RBM20: variants seen among roughly 807,000 people sequenced by gnomAD.
RBM20 encodes the protein RNA-binding protein 20.
A neutral mutation model predicts 110.1 loss-of-function variants in RBM20; 51 were observed. That is an observed-to-expected ratio of 0.46 (90% CI 0.37 to 0.59). The LOEUF (loss-of-function observed/expected upper bound fraction) is 0.59, where lower values mean the gene tolerates loss of function less well. Ranked by LOEUF, RBM20 falls within the 20% of genes least tolerant of loss-of-function variation. The pLI is 0.00. For missense variants in RBM20, 1,512 were observed against 1,574.9 expected (o/e 0.96, Z 0.68); for synonymous variants, 589 against 618.2 (o/e 0.95, Z 0.70).
At chr10:110,727,919 G>T (rs1320689176) in intron 1 of RBM20, among the ~76,000 whole-genome samples, 2 of 152,126 alleles carry the variant, frequency 1.3e-5, no homozygotes, top group African/African-American at 4.8e-5. Flanking sequence ...TTCTGTTCCT[G>T]TGTTAGTTTG....
At chr10:110,752,945 ATTTTTTTTT>A (rs71492062) in intron 1 of RBM20, among the ~76,000 whole-genome samples, 12 of 108,982 alleles carry the variant, frequency 1.1e-4, no homozygotes, top group African/African-American at 3.4e-4. Context: ...ATATATATAT[ATTTTTTTTT>A]TTTTTATGAA....
At chr10:110,666,882 A>C (rs1214372162) in intron 1 of RBM20, among the ~76,000 whole-genome samples, 1 of 152,248 alleles carries the variant, frequency 6.6e-6, no homozygotes, top group Non-Finnish European at 1.5e-5. Context: ...AAAAACTGCC[A>C]CCAAAACATC....
chr10:110,818,648 TGGTGGAGGGCTTTCAGCCC>T (rs1407058615), intron 9 of RBM20, among the ~76,000 whole-genome samples: 1 of 152,212 alleles, frequency 6.6e-6, no homozygotes, highest in African/African-American at 2.4e-5. Context: ...GGGGTCTGCT[TGGTGGAGGGCTTTCAGCCC>T]GGCTAGCAAG....
At chr10:110,644,044 C>T (rs191537251), upstream of RBM20, among the ~76,000 whole-genome samples, 1,670 of 152,312 alleles carry the variant, frequency 0.011, 34 homozygotes, top group African/African-American at 0.039. The surrounding 1 kb of genome is among the most constrained non-coding windows in gnomAD (Gnocchi z 4.3). Flanking sequence ...CGTGTGTCGC[C>T]TTCCTCACGC....
chr10:110,766,325 G>GT (rs1402872242), intron 1 of RBM20, among the ~76,000 whole-genome samples: 2 of 150,060 alleles, frequency 1.3e-5, no homozygotes, highest in Non-Finnish European at 3.0e-5. Flanking sequence ...TTTTTTTTTT[G>GT]TTTTTTGTTT....
At chr10:110,713,043 A>G (rs1341174792) in intron 1 of RBM20, among the ~76,000 whole-genome samples, 1 of 152,044 alleles carries the variant, frequency 6.6e-6, no homozygotes, top group Non-Finnish European at 1.5e-5. Context: ...ACCTCTTGTG[A>G]TGCTTCTTTT....
intron 1 of RBM20, among the ~76,000 whole-genome samples, chr10:110,740,062 C>T (rs1003056068): frequency 2.0e-5 from 3 of 152,238 alleles, no homozygotes; most frequent in Admixed American, 6.5e-5. Context: ...TTGGCATTTC[C>T]GAGCCAACTG....
At chr10:110,786,907 A>G (rs1447712733) in intron 5 of RBM20, among the ~76,000 whole-genome samples, 1 of 152,162 alleles carries the variant, frequency 6.6e-6, no homozygotes, top group Non-Finnish European at 1.5e-5. Context: ...GATGGCATTA[A>G]CTGAGCCCCT....
At chr10:110,761,308 G>A (rs1029573092) in intron 1 of RBM20, 2 of 147,610 alleles carry the variant, frequency 1.4e-5, no homozygotes, top group African/African-American at 5.0e-5. Flanking sequence ...AATGATTCCT[G>A]TTAACGGTTT....
At chr10:110,817,437 C>T (rs988411587) in intron 9 of RBM20, among the ~76,000 whole-genome samples, 1 of 152,140 alleles carries the variant, frequency 6.6e-6, no homozygotes, top group Non-Finnish European at 1.5e-5. Context: ...CTAGACAAGA[C>T]CCAACCATGC....
rs1189967634 is a variant in RBM20, at chr10:110,644,798, C to G, written c.191+153C>G. 6.6e-6 allele frequency among the ~76,000 whole-genome samples: 1 copy of G among 152,138 alleles called. No individual in the cohort carries two copies. ...TACCCCCTCTGGGCAGAGTCGGTGTCCTTCTGGCTGTTTGTTAGGCTGGAA... is the reference window on the plus strand; with the variant it reads ...TACCCCCTCTGGGCAGAGTCGGTGTGCTTCTGGCTGTTTGTTAGGCTGGAA... On this transcript the variant is annotated intron_variant, in intron 1 of 13. Coordinates refer to ENST00000369519, the MANE Select transcript of RBM20 (RefSeq NM_001134363.3). This position sits in a 1 kb window ranked among gnomAD's most constrained non-coding sequence, Gnocchi z 4.3.
chr10:110,653,280 T>A lies in RBM20; in HGVS notation c.191+8635T>A, dbSNP rs555259521. 1.1e-4 allele frequency among the ~76,000 whole-genome samples: 17 copies of A among 152,340 alleles called. No individual in the cohort carries two copies. In the South Asian group the frequency reaches 3.5e-3, roughly 32 times the overall value. The stretch of plus-strand genomic sequence containing the variant: ...CCCCAATTCCCACTCTGCTTCAAAT[T>A]TGTTTCAACCAAGGATATAATTTGG... On this transcript the variant is annotated intron_variant, in intron 1 of 13. Coordinates refer to ENST00000369519, the MANE Select transcript of RBM20 (RefSeq NM_001134363.3).
rs915629878 is a variant in RBM20 at position 110,739,587 on chromosome 10, C to T, written c.192-41214C>T. ...TGGAAACCAGTTTTCTACAGCCTTC[C>T]AGAAAGAACTCAACTCGAGGACTGA... On this transcript the variant is annotated intron_variant, in intron 1 of 13. Coordinates refer to ENST00000369519, the MANE Select transcript of RBM20 (RefSeq NM_001134363.3). The surrounding 1 kb of genome is among the most constrained non-coding windows in gnomAD (Gnocchi z 4.1). Among the ~76,000 whole-genome samples, 5 of 152,160 alleles carry T rather than the reference C, an allele frequency of 3.3e-5. No individual in the cohort carries two copies. The highest frequency in any genetic ancestry group is 1.2e-4 in the African/African-American group (5 of 41,422).
intron 1 of RBM20, among the ~76,000 whole-genome samples, chr10:110,645,797 G>C (rs2134795556): frequency 6.8e-6 from 1 of 147,338 alleles, no homozygotes; most frequent in South Asian, 2.1e-4. Context: ...ATGTTGACTG[G>C]TGGAATACTG....
In RBM20 at chr10:110,837,094, AG is replaced by A. The variant is rs1845141622; in HGVS notation, c.*1118del. On this transcript the variant is annotated 3_prime_UTR_variant, in exon 14 of 14. Coordinates refer to ENST00000369519, the MANE Select transcript of RBM20 (RefSeq NM_001134363.3). Reference sequence around the variant, plus strand: ...GGCCCCCCAGTTGGGGGAGAAGCTAAGGAAAGAGAAGGCTGCAGATCCAAAG... The same window carrying A: ...GGCCCCCCAGTTGGGGGAGAAGCTAAGAAAGAGAAGGCTGCAGATCCAAAG... 1 of 152,314 alleles carries A rather than the reference AG, an allele frequency of 6.6e-6. No individual in the cohort carries two copies. Among genetic ancestry groups the A allele is most frequent in the Non-Finnish European group, 1.5e-5 (1 of 68,108 alleles). 9.4% of individuals were successfully genotyped at this position (152,314 alleles called of 1,614,324 possible). A position where few individuals can be genotyped will look rare whatever the true frequency, so the allele number is the denominator to read the frequency against.
intron 8 of RBM20, among the ~76,000 whole-genome samples, chr10:110,810,817 G>T (rs10885050): frequency 6.6e-6 from 1 of 151,180 alleles, no homozygotes; most frequent in Non-Finnish European, 1.5e-5. Flanking sequence ...GTGTGTGTGC[G>T]TGTGTGCGTG....
chr10:110,776,089 G>A (rs1844258981), intron 1 of RBM20, among the ~76,000 whole-genome samples: 1 of 152,182 alleles, frequency 6.6e-6, no homozygotes, highest in Non-Finnish European at 1.5e-5. Flanking sequence ...TGTTGCCAGA[G>A]GGATGTGGTT....
At position 110,838,877 on chromosome 10, in the gene RBM20, A is replaced by T. The variant is rs1188084780; in HGVS notation, c.*2899A>T. On this transcript the variant is annotated 3_prime_UTR_variant, in exon 14 of 14. Transcript: ENST00000369519. ...TTTTTATTTATTTTTATACAATTCCATTGGCATGGTCCTTCACCGACCCTA... is the reference window on the plus strand; with the variant it reads ...TTTTTATTTATTTTTATACAATTCCTTTGGCATGGTCCTTCACCGACCCTA... 6.6e-6 allele frequency: 1 copy of T among 152,198 alleles called. No homozygotes were observed. Among genetic ancestry groups the T allele is most frequent in the Non-Finnish European group, 1.5e-5 (1 of 68,040 alleles). The allele number at this position is 152,198 out of a possible 1,614,324, so 9.4% of individuals were successfully genotyped here. A position where few individuals can be genotyped will look rare whatever the true frequency, so the allele number is the denominator to read the frequency against.
At chr10:110,721,563 C>T (rs1413595963) in intron 1 of RBM20, among the ~76,000 whole-genome samples, 1 of 152,190 alleles carries the variant, frequency 6.6e-6, no homozygotes, top group African/African-American at 2.4e-5. Flanking sequence ...TAAATCATCA[C>T]TGCACTGACC....
Sources: gnomAD v4.1 joint callset for allele counts (sites outside exome capture counted in the v4.1 genomes callset) on GRCh38, gnomAD v4.1.1 for gene constraint, Gnocchi (gnomAD v3.1) non-coding constraint, MANE v1.5 for transcripts, NCBI Gene and HGNC (gene_info 2026-07-23, HGNC 2026-07-21) for gene names.